ZNF385B: variants seen among roughly 807,000 people sequenced by gnomAD.
The protein encoded by ZNF385B is zinc finger protein 533.
A neutral mutation model predicts 39.2 loss-of-function variants in ZNF385B; 23 were observed. The observed-to-expected ratio is 0.59, with a 90% confidence interval of 0.42 to 0.83. The LOEUF (loss-of-function observed/expected upper bound fraction) is 0.83. Ranked by LOEUF, ZNF385B falls within the 40% of genes least tolerant of loss-of-function variation. The probability of loss-of-function intolerance (pLI) is 0.00; values close to 1 mark genes in which losing one functional copy is unlikely to be tolerated. For synonymous variants in ZNF385B, 205 were observed against 222.6 expected (o/e 0.92, Z 0.70); for missense variants, 552 against 598.9 (o/e 0.92, Z 0.82).
chr2:179,598,688 A>G (rs1272109430), intron 3 of ZNF385B, among the ~76,000 whole-genome samples: 1 of 152,206 alleles, frequency 6.6e-6, no homozygotes, highest in Non-Finnish European at 1.5e-5. Context: ...GATTCTGAAA[A>G]TCCCATAAAG....
intron 6 of ZNF385B, among the ~76,000 whole-genome samples, chr2:179,471,449 C>T (rs979560896): frequency 6.6e-6 from 1 of 152,134 alleles, no homozygotes; most frequent in Non-Finnish European, 1.5e-5. Context: ...GCTAAAAACA[C>T]ATTTTTATTT....
At chr2:179,820,665 T>C (rs1247818169) in intron 1 of ZNF385B, among the ~76,000 whole-genome samples, 1 of 152,138 alleles carries the variant, frequency 6.6e-6, no homozygotes, top group African/African-American at 2.4e-5. Context: ...TATGCATTTG[T>C]CTGCCAAGAA....
chr2:179,705,616 C>A (rs1247449577), intron 3 of ZNF385B, among the ~76,000 whole-genome samples: 2 of 152,214 alleles, frequency 1.3e-5, no homozygotes, highest in Non-Finnish European at 2.9e-5. Context: ...TATTTTACCT[C>A]ATCTTCCTAT....
chr2:179,449,786 A>G (rs569301979), intron 6 of ZNF385B, among the ~76,000 whole-genome samples: 1 of 152,208 alleles, frequency 6.6e-6, no homozygotes, highest in Non-Finnish European at 1.5e-5. Context: ...AAGAGCCCGC[A>G]TCGCCAAGTC....
chr2:179,508,514 G>C (rs560579832), intron 5 of ZNF385B, among the ~76,000 whole-genome samples: 3 of 152,172 alleles, frequency 2.0e-5, no homozygotes, highest in African/African-American at 4.8e-5. Flanking sequence ...ATCCTTCCAG[G>C]AATCTTTTAC....
chr2:179,546,624 T>C (rs1264403293), intron 3 of ZNF385B, among the ~76,000 whole-genome samples: 1 of 152,226 alleles, frequency 6.6e-6, no homozygotes, highest in Non-Finnish European at 1.5e-5. Flanking sequence ...CATTCATCTG[T>C]TGATGGACAC....
chr2:179,564,462 C>A (rs1461818814), intron 3 of ZNF385B, among the ~76,000 whole-genome samples: 1 of 152,158 alleles, frequency 6.6e-6, no homozygotes, highest in Non-Finnish European at 1.5e-5. Context: ...TCTATAAGAC[C>A]TTACCCTATC....
intron 6 of ZNF385B, among the ~76,000 whole-genome samples, chr2:179,464,945 C>T (rs2051822517): frequency 6.6e-6 from 1 of 152,112 alleles, no homozygotes; most frequent in Admixed American, 6.6e-5. Flanking sequence ...CACTCCTTAA[C>T]TCAGTTTACT....
chr2:179,731,048 C>G (rs182096118), intron 3 of ZNF385B, among the ~76,000 whole-genome samples: 1 of 152,172 alleles, frequency 6.6e-6, no homozygotes, highest in Non-Finnish European at 1.5e-5. Flanking sequence ...ACACATTTAC[C>G]TGACCAAAAT....
At chr2:179,766,030 T>TCACA (rs71029829) in intron 3 of ZNF385B, among the ~76,000 whole-genome samples, 4,907 of 140,802 alleles carry the variant, frequency 0.035, 98 homozygotes, top group South Asian at 0.071. Context: ...GGTACATTGA[T>TCACA]CACACACACA....
At chr2:179,487,280 A>G (rs542773160) in intron 5 of ZNF385B, among the ~76,000 whole-genome samples, 1 of 152,352 alleles carries the variant, frequency 6.6e-6, no homozygotes, top group African/African-American at 2.4e-5. Context: ...GAAGTGCAAC[A>G]AGGCTTTTTA....
chr2:179,759,592 C>T (rs890779126), intron 3 of ZNF385B, among the ~76,000 whole-genome samples: 15 of 152,070 alleles, frequency 9.9e-5, no homozygotes, highest in African/African-American at 3.6e-4. Context: ...ATTGCCATTG[C>T]CTATACCTGG....
At chr2:179,831,516 G>A (rs979281167) in intron 1 of ZNF385B, among the ~76,000 whole-genome samples, 7 of 150,322 alleles carry the variant, frequency 4.7e-5, no homozygotes, top group East Asian at 1.9e-4. Context: ...GGTAAAAATC[G>A]CTTATCATCT....
At chr2:179,807,187 G>C (rs1706405473) in intron 1 of ZNF385B, among the ~76,000 whole-genome samples, 1 of 152,202 alleles carries the variant, frequency 6.6e-6, no homozygotes, top group African/African-American at 2.4e-5. Context: ...TGAATGACTA[G>C]ATAAATTTGG....
rs1702423359 is a variant in ZNF385B, at chr2:179,747,033, A to T, written c.298+22470T>A. On this transcript the variant is annotated intron_variant, in intron 3 of 9. Coordinates refer to ENST00000410066, the MANE Select transcript of ZNF385B (RefSeq NM_152520.6). ...AAAAGGGTTTTAGGTTCTCATTGAG[A>T]CTCTGAAGGCCAGACAAACTAGAAT... 2.6e-5 allele frequency among the ~76,000 whole-genome samples: 4 copies of T among 152,182 alleles called. No individual in the cohort carries two copies. The South Asian group carries it at 8.3e-4, about 32-fold the overall frequency.
chr2:179,849,206 G>A (rs62180410), intron 1 of ZNF385B, among the ~76,000 whole-genome samples: 1 of 152,126 alleles, frequency 6.6e-6, no homozygotes, highest in Non-Finnish European at 1.5e-5. Context: ...TTCTGGCTTC[G>A]TGGTTATTCA....
chr2:179,774,106 G>T (rs1046717493), intron 1 of ZNF385B, among the ~76,000 whole-genome samples: 7 of 151,460 alleles, frequency 4.6e-5, no homozygotes, highest in Non-Finnish European at 8.9e-5. Flanking sequence ...TGTGGAGTGT[G>T]TGTGATATGT....
chr2:179,718,714 T>C (rs1395278971), intron 3 of ZNF385B, among the ~76,000 whole-genome samples: 1 of 150,806 alleles, frequency 6.6e-6, no homozygotes, highest in Non-Finnish European at 1.5e-5. Flanking sequence ...TACAAATTTC[T>C]ATTTTCAGCC....
At chr2:179,587,557 C>G (rs1687187672) in intron 3 of ZNF385B, among the ~76,000 whole-genome samples, 1 of 152,138 alleles carries the variant, frequency 6.6e-6, no homozygotes, top group African/African-American at 2.4e-5. Context: ...TATGTAAAGA[C>G]CTTAAAGAGC....
Sources: allele counts gnomAD v4.1 joint callset (sites outside exome capture counted in the v4.1 genomes callset), GRCh38; gene constraint gnomAD v4.1.1; transcripts MANE v1.5; gene names NCBI Gene and HGNC (gene_info 2026-07-23, HGNC 2026-07-21).